Variants in TMC6 observed in about 807,000 individuals in gnomAD.
TMC6 encodes transmembrane channel like 6, also known as transmembrane channel-like protein 6.
A neutral mutation model predicts 95.4 loss-of-function variants in TMC6; 71 were observed. The observed-to-expected ratio is 0.74, with a 90% confidence interval of 0.61 to 0.91. The LOEUF is 0.91. Among genes scored for constraint, TMC6 ranks in the 40% least tolerant of loss-of-function variants. TMC6 has a pLI of 0.00. For missense variants in TMC6, 1,074 were observed against 1,079.1 expected, an observed-to-expected ratio of 1.00 and a Z score of 0.07; for synonymous variants, 514 against 483.1, an observed-to-expected ratio of 1.06 and a Z score of -0.84.
In TMC6 at chr17:78,113,790, A is replaced by G. The variant is rs956413620; in HGVS notation, c.2278-166T>C. 3.6e-5 allele frequency: 26 copies of G among 722,878 alleles called. 1 individual carries two copies. Among genetic ancestry groups the G allele is most frequent in the Middle Eastern group, 6.9e-4 (2 of 2,892 alleles). The allele number at this position is 722,878 out of a possible 1,614,324, so 44.8% of individuals were successfully genotyped here. A position where few individuals can be genotyped will look rare whatever the true frequency, so the allele number is the denominator to read the frequency against. ...AAGGGCCACCAAACAAGGACAAGGAAAAACCAAGAGCCAGGAAGTGGGCGT... is the reference window on the plus strand; with the variant it reads ...AAGGGCCACCAAACAAGGACAAGGAGAAACCAAGAGCCAGGAAGTGGGCGT... On this transcript the variant is annotated intron_variant, in intron 18 of 19. Coordinates refer to ENST00000590602, the MANE Select transcript of TMC6 (RefSeq NM_001127198.5).
At chr17:78,113,506 C>T (rs558198691) in intron 19 of TMC6, 42 bp downstream of exon 19, 17 of 1,610,228 alleles carry the variant, frequency 1.1e-5, no homozygotes, top group African/African-American at 1.3e-5. Flanking sequence ...CCCCTCTCCC[C>T]TCCAGGCTCA....
At position 78,118,099 on chromosome 17, in the gene TMC6, C is replaced by T. The variant is rs562745172; in HGVS notation, c.1888-164G>A. 4.7e-6 allele frequency: 6 copies of T among 1,287,916 alleles called. No individual in the cohort carries two copies. The Admixed American group carries it at 1.3e-4, about 28-fold the overall frequency. 79.8% of individuals were successfully genotyped at this position (1,287,916 alleles called of 1,614,324 possible). A position where few individuals can be genotyped will look rare whatever the true frequency, so the allele number is the denominator to read the frequency against. On this transcript the variant is annotated intron_variant, in intron 15 of 19. Coordinates refer to ENST00000590602, the MANE Select transcript of TMC6 (RefSeq NM_001127198.5). ...ATTTACAGAGGAAGACAGAAGCCTG[C>T]CGGTCACTTGCACGCAAACGGGTGA...
chr17:78,117,188 G>T, intron 18 of TMC6, 81 bp downstream of exon 18: 2 of 1,470,004 alleles, frequency 1.4e-6, no homozygotes, highest in Non-Finnish European at 1.9e-6. Flanking sequence ...CACAGGAGAT[G>T]TACAGGGGAG....
chr17:78,120,304 T>C (rs2074348045), intron 13 of TMC6: 2 of 389,962 alleles, frequency 5.1e-6, no homozygotes, highest in Non-Finnish European at 5.0e-6. Context: ...GGACTACTGG[T>C]GTGCGCCACC....
At position 78,119,044 on chromosome 17, in the gene TMC6, A is replaced by G. The variant is rs764741111; in HGVS notation, c.1814T>C (p.Leu605Pro). The change falls in exon 15 of 20, where the codon CTG (leucine) becomes CCG (proline). Residue 605 changes from leucine (L) to proline (P), a missense_variant and splice_region_variant. By Grantham distance (98) the Leu-to-Pro change is moderately conservative (BLOSUM62 -3). Transcript: ENST00000590602. The part of the protein sequence containing the change: ...ELIYGQTLTW[L>P]GVLFSPLLPA... ...GAGGAGGGGCGAGAAGAGCACCCCC[A>G]GCCTGGGGAGGGGGTGGCAGTTCAG... The G allele has an allele frequency of 1.4e-5, 22 of 1,585,080 alleles. 1 individual carries two copies. The South Asian group carries it at 2.4e-4, about 17-fold the overall frequency.
At position 78,126,776 on chromosome 17, in the gene TMC6, C is replaced by A; in HGVS notation, c.56+1G>T. ...CCAGCCCCCAGCCCCAGAGCGCTTA[C>A]CCCTGGTCCCCTGGGGTCTCAGGGA... On this transcript the variant is annotated splice_donor_variant, in intron 2 of 19. Transcript: ENST00000590602. LOFTEE classifies it high-confidence loss of function. 1.1e-5 allele frequency: 17 copies of A among 1,613,192 alleles called. No homozygotes were observed. Among genetic ancestry groups the A allele is most frequent in the Non-Finnish European group, 1.4e-5 (16 of 1,179,886 alleles).
Position 78,112,261 on chromosome 17 carries a change from G to GGCT in TMC6, c.*884_*886dup. ...TGGTCCCCGCAGGCCTGGAGCCCTG[G>GGCT]GCTGTGATGGGCTGGTCCCCGCAGA... is the stretch of plus-strand genomic sequence containing the variant. On this transcript the variant is annotated 3_prime_UTR_variant, in exon 20 of 20. Coordinates refer to ENST00000590602, the MANE Select transcript of TMC6 (RefSeq NM_001127198.5). 1 of 270,656 alleles carries GGCT rather than the reference G, an allele frequency of 3.7e-6. No homozygotes were observed. The highest frequency in any genetic ancestry group is 5.4e-5 in the Admixed American group (1 of 18,360). 16.8% of individuals were successfully genotyped at this position (270,656 alleles called of 1,614,324 possible).
At chr17:78,129,550 G>T (rs565897363), upstream of TMC6, among the ~76,000 whole-genome samples, 139 of 152,254 alleles carry the variant, frequency 9.1e-4, no homozygotes, top group African/African-American at 3.3e-3. The surrounding 1 kb of genome is among the most constrained non-coding windows in gnomAD (Gnocchi z 4.3). Flanking sequence ...CATTCCTGGC[G>T]GGGAGAAGCC....
In TMC6 at chr17:78,120,721, C is replaced by G; in HGVS notation, c.1647G>C (p.Leu549=). The G allele has an allele frequency of 6.2e-7, 1 of 1,614,002 alleles. No homozygotes were observed. ...QCWEDFVGQE[L]YRFLVMDFVL... Reference sequence around the variant, plus strand: ...CGAAGTCCATCACCAGGAACCGGTACAGCTCCTGGCCCACAAAATCCTCCC... The same window carrying G: ...CGAAGTCCATCACCAGGAACCGGTAGAGCTCCTGGCCCACAAAATCCTCCC... Residue 549 remains leucine (L), a synonymous_variant, in exon 13 of 20, where the codon CTG becomes CTC. Transcript: ENST00000590602.
chr17:78,124,743 C>T lies in TMC6; in HGVS notation c.672G>A (p.Leu224=), dbSNP rs1381480736. The T allele has an allele frequency of 2.5e-6, 4 of 1,586,330 alleles. No homozygotes were observed. The highest frequency in any genetic ancestry group is 1.3e-5 in the African/African-American group (1 of 74,424). The change falls in exon 8 of 20, where the codon CTG becomes CTA. Residue 224 remains leucine, a synonymous_variant. Coordinates refer to ENST00000590602, the MANE Select transcript of TMC6 (RefSeq NM_001127198.5). The part of the protein sequence containing the change: ...HSLGLALLSA[L]QALMPWRYAL... Reference sequence around the variant, plus strand: ...CGTAGCGCCACGGCATCAGGGCCTGCAGGGCGGAGAGCAGCGCCAGGCCCA... The same window carrying T: ...CGTAGCGCCACGGCATCAGGGCCTGTAGGGCGGAGAGCAGCGCCAGGCCCA...
At chr17:78,116,115 T>C (rs2074096457) in intron 18 of TMC6, among the ~76,000 whole-genome samples, 1 of 151,702 alleles carries the variant, frequency 6.6e-6, no homozygotes, top group Admixed American at 6.6e-5. Context: ...GAGTAGCTGG[T>C]ACAGGTGGAC....
chr17:78,119,567 C>T (rs2074305982), intron 13 of TMC6, among the ~76,000 whole-genome samples, 175 bp from the exon 14 acceptor site: 1 of 152,228 alleles, frequency 6.6e-6, no homozygotes, highest in Non-Finnish European at 1.5e-5. Context: ...TGCTTGGTCA[C>T]ACCAGCCTCA....
At position 78,110,125 on chromosome 17, in the gene TMC6, C is replaced by T. The variant is rs1458780637; in HGVS notation, c.*3023G>A. On this transcript the variant is annotated 3_prime_UTR_variant, in exon 20 of 20. Transcript: ENST00000590602. The stretch of plus-strand genomic sequence containing the variant: ...TAAAGATAATTCAAATCCAAATCAA[C>T]TCAATCAGAATCTCTCGGGGTGGGC... The T allele has an allele frequency of 2.6e-5, 4 of 153,266 alleles. No individual in the cohort carries two copies. The highest frequency in any genetic ancestry group is 7.3e-5 in the African/African-American group (3 of 41,326). The allele number at this position is 153,266 out of a possible 1,614,324, so 9.5% of individuals were successfully genotyped here.
At chr17:78,114,559 AAC>A (rs1298279070) in intron 18 of TMC6, among the ~76,000 whole-genome samples, 1 of 152,002 alleles carries the variant, frequency 6.6e-6, no homozygotes, top group Non-Finnish European at 1.5e-5. Flanking sequence ...GGTGCACCGA[AAC>A]ACTGATCATC....
rs1236961400 is a variant in TMC6 at position 78,126,886 on chromosome 17, C to T, written c.-54G>A. The T allele has an allele frequency of 6.3e-6, 10 of 1,592,858 alleles. No individual in the cohort carries two copies. The highest frequency in any genetic ancestry group is 1.7e-5 in the Admixed American group (1 of 57,972). ...GACCTAGGGTAGCTCAGAGCCTGGG[C>T]GCCACCTCCGGAGCCCCCATCTGAT... On this transcript the variant is annotated 5_prime_UTR_variant, in exon 2 of 20. Coordinates refer to ENST00000590602, the MANE Select transcript of TMC6 (RefSeq NM_001127198.5).
chr17:78,123,642 C>T (rs1388822124), intron 9 of TMC6, among the ~76,000 whole-genome samples: 1 of 50,776 alleles, frequency 2.0e-5, no homozygotes, highest in Non-Finnish European at 4.1e-5. Flanking sequence ...GGTGGGTGAA[C>T]TGATTGGGTG....
upstream of TMC6, among the ~76,000 whole-genome samples, chr17:78,128,954 C>T (rs1363480855): frequency 1.3e-5 from 2 of 152,116 alleles, no homozygotes; most frequent in Non-Finnish European, 2.9e-5. This position sits in a 1 kb window ranked among gnomAD's most constrained non-coding sequence, Gnocchi z 4.0. Flanking sequence ...TTCATTCCAG[C>T]CCCTGGTTGA....
At position 78,111,949 on chromosome 17, in the gene TMC6, C is replaced by G; in HGVS notation, c.*1199G>C. 4.2e-6 allele frequency: 1 copy of G among 236,806 alleles called. No homozygotes were observed. The highest frequency in any genetic ancestry group is 3.5e-5 in the South Asian group (1 of 28,422). The allele number at this position is 236,806 out of a possible 1,614,324, so 14.7% of individuals were successfully genotyped here. ...TGGGGTCATGACGGGCTGGTCCCCGCAGGCCTGGAGCACTGGGGTCATGAC... is the reference window on the plus strand; with the variant it reads ...TGGGGTCATGACGGGCTGGTCCCCGGAGGCCTGGAGCACTGGGGTCATGAC... On this transcript the variant is annotated 3_prime_UTR_variant, in exon 20 of 20. Coordinates refer to ENST00000590602, the MANE Select transcript of TMC6 (RefSeq NM_001127198.5).
chr17:78,128,484 C>G lies in TMC6; in HGVS notation c.-75+128G>C, dbSNP rs1262092410. On this transcript the variant is annotated intron_variant, in intron 1 of 19. Transcript: ENST00000590602. This position sits in a 1 kb window ranked among gnomAD's most constrained non-coding sequence, Gnocchi z 4.0. ...AAGCCCTGGGAGCTCCAGGAGCACCCGGGGAGGGAACTCGGCTGCCAAATG... is the reference window on the plus strand; with the variant it reads ...AAGCCCTGGGAGCTCCAGGAGCACCGGGGGAGGGAACTCGGCTGCCAAATG... 6.6e-6 allele frequency: 1 copy of G among 152,262 alleles called. No homozygotes were observed. The highest frequency in any genetic ancestry group is 1.9e-4 in the East Asian group (1 of 5,174). The allele number at this position is 152,262 out of a possible 1,614,324, so 9.4% of individuals were successfully genotyped here.
Sources: gnomAD v4.1 joint callset for allele counts (sites outside exome capture counted in the v4.1 genomes callset) on GRCh38, gnomAD v4.1.1 for gene constraint, Gnocchi (gnomAD v3.1) non-coding constraint, MANE v1.5 for transcripts, NCBI Gene and HGNC (gene_info 2026-07-23, HGNC 2026-07-21) for gene names.